TSPAN15: variants seen among roughly 807,000 people sequenced by gnomAD.
TSPAN15 encodes the protein tetraspanin 15, also known as tetraspanin-15.
TSPAN15 carries 20 observed loss-of-function variants against 34.5 expected under a neutral mutation model. The observed-to-expected ratio is 0.58, with a 90% CI of 0.41 to 0.84. TSPAN15 has a LOEUF of 0.84. TSPAN15 is among the 40% of genes least tolerant of loss of function. TSPAN15 has a pLI of 0.00. For synonymous variants in TSPAN15, 155 were observed against 153.9 expected (o/e 1.01, Z -0.05); for missense variants, 313 against 386.1 (o/e 0.81, Z 1.59).
At chr10:69,478,332 T>TGGA (rs1452252833) in intron 1 of TSPAN15, among the ~76,000 whole-genome samples, 1 of 152,184 alleles carries the variant, frequency 6.6e-6, no homozygotes, top group African/African-American at 2.4e-5. Flanking sequence ...TCTCAAGCCT[T>TGGA]GGAGTTTAGC....
the TSPAN15 span, among the ~76,000 whole-genome samples, chr10:69,525,627 C>A: frequency 6.8e-6 from 1 of 146,984 alleles, no homozygotes; most frequent in Non-Finnish European, 1.5e-5. Context: ...TCGAGACCAG[C>A]CTGGCCAACA....
intron 1 of TSPAN15, among the ~76,000 whole-genome samples, chr10:69,482,975 T>A (rs1665580): frequency 7.0e-6 from 1 of 143,796 alleles, no homozygotes; most frequent in African/African-American, 2.5e-5. Context: ...ATTTTTTTTT[T>A]TTGTTGTTGT....
chr10:69,530,820 C>CTCTCTCTCTATATA, the TSPAN15 span, among the ~76,000 whole-genome samples: 4 of 30,778 alleles, frequency 1.3e-4, no homozygotes, highest in Non-Finnish European at 1.8e-4. Context: ...CTCTCTCTCT[C>CTCTCTCTCTATATA]TATATATATA....
At chr10:69,487,431 G>A (rs1841877655) in intron 3 of TSPAN15, among the ~76,000 whole-genome samples, 1 of 151,484 alleles carries the variant, frequency 6.6e-6, no homozygotes, top group African/African-American at 2.4e-5. Context: ...GGCAGATCCA[G>A]GATGCTGGTT....
At chr10:69,547,533 A>G in the TSPAN15 span, among the ~76,000 whole-genome samples, 1 of 152,012 alleles carries the variant, frequency 6.6e-6, no homozygotes, top group African/African-American at 2.4e-5. Flanking sequence ...AAAGTCTTAT[A>G]TTTTTCCCAC....
At chr10:69,540,425 A>T in the TSPAN15 span, among the ~76,000 whole-genome samples, 1 of 152,106 alleles carries the variant, frequency 6.6e-6, no homozygotes, top group Non-Finnish European at 1.5e-5. Context: ...AAAGAGGAGG[A>T]TGGGTATTGG....
chr10:69,494,373 T>C (rs1053990460), intron 3 of TSPAN15, among the ~76,000 whole-genome samples: 4 of 152,188 alleles, frequency 2.6e-5, no homozygotes, highest in Admixed American at 2.6e-4. Flanking sequence ...GTGCCTGGTG[T>C]CCTGCTAAAC....
At chr10:69,461,473 C>T (rs1226624885) in intron 1 of TSPAN15, among the ~76,000 whole-genome samples, 1 of 152,176 alleles carries the variant, frequency 6.6e-6, no homozygotes, top group Non-Finnish European at 1.5e-5. Context: ...CCCCCTACTC[C>T]TGGGGCCACT....
At chr10:69,478,442 A>G (rs571935313) in intron 1 of TSPAN15, among the ~76,000 whole-genome samples, 1 of 152,296 alleles carries the variant, frequency 6.6e-6, no homozygotes, top group Non-Finnish European at 1.5e-5. Flanking sequence ...CGGTTGTGGA[A>G]TGAAGTGGTT....
At chr10:69,467,637 A>AACACACACACACACACAC (rs36028041) in intron 1 of TSPAN15, among the ~76,000 whole-genome samples, 3 of 78,106 alleles carry the variant, frequency 3.8e-5, no homozygotes, top group African/African-American at 1.0e-4. Flanking sequence ...AAAACAAAAC[A>AACACACACACACACACAC]ACACACACAC....
At chr10:69,467,332 C>A (rs1015592919) in intron 1 of TSPAN15, among the ~76,000 whole-genome samples, 3 of 152,206 alleles carry the variant, frequency 2.0e-5, no homozygotes, top group African/African-American at 7.2e-5. Flanking sequence ...CAGGCCAGAA[C>A]AGGCCACCAG....
At position 69,483,842 on chromosome 10, in the gene TSPAN15, C is replaced by T. The variant is rs547357040; in HGVS notation, c.248C>T (p.Ala83Val). The change falls in exon 2 of 8, where the codon GCG (alanine) becomes GTG (valine). Residue 83 changes from alanine (A) to valine (V), a missense_variant. Ala to Val is a moderately conservative substitution (Grantham distance 64). Transcript: ENST00000373290. ...ATGGTCTCCTTCATTGGTGTGCTGG[C>T]GTCCCTCCGTGACAACCTGTACCTT... ...MFMVSFIGVL[A>V]SLRDNLYLLQ... 5.0e-6 allele frequency: 8 copies of T among 1,614,002 alleles called. No homozygotes were observed. The highest frequency in any genetic ancestry group is 4.5e-5 in the East Asian group (2 of 44,840).
At chr10:69,505,633 C>G (rs1842309528) in intron 6 of TSPAN15, among the ~76,000 whole-genome samples, 1 of 151,516 alleles carries the variant, frequency 6.6e-6, no homozygotes, top group South Asian at 2.1e-4. Context: ...GCCTCAAACT[C>G]CTAGGCTTAG....
chr10:69,503,606 C>T (rs1016297742), intron 5 of TSPAN15, among the ~76,000 whole-genome samples: 2 of 152,172 alleles, frequency 1.3e-5, no homozygotes, highest in South Asian at 2.1e-4. Context: ...CCAGAGGGCA[C>T]GCTGGGGGCT....
intron 3 of TSPAN15, among the ~76,000 whole-genome samples, chr10:69,490,361 G>A (rs1841942639): frequency 6.6e-6 from 1 of 152,224 alleles, no homozygotes; most frequent in South Asian, 2.1e-4. Flanking sequence ...ATAAAATGGT[G>A]TAGTACTTGA....
the TSPAN15 span, among the ~76,000 whole-genome samples, chr10:69,529,307 A>G: frequency 6.8e-6 from 1 of 147,980 alleles, no homozygotes; most frequent in Non-Finnish European, 1.5e-5. Flanking sequence ...ATGGAGGTGC[A>G]ACCCCATGGC....
rs1842126163 is a variant in TSPAN15 at position 69,498,179 on chromosome 10, A to C, written c.454-101A>C. The C allele has an allele frequency of 8.8e-6, 9 of 1,021,254 alleles. No homozygotes were observed. In the South Asian group the frequency reaches 1.2e-4, roughly 14 times the overall value. 63.3% of individuals were successfully genotyped at this position (1,021,254 alleles called of 1,614,324 possible). A position where few individuals can be genotyped will look rare whatever the true frequency, so the allele number is the denominator to read the frequency against. On this transcript the variant is annotated intron_variant, in intron 4 of 7. Transcript: ENST00000373290. ...GCCTCTCCCTGCCCCAGGGTGACCC[A>C]CATAATAAACTGCCTCCGTCTCCTG...
chr10:69,490,135 G>T (rs931831779), intron 3 of TSPAN15, among the ~76,000 whole-genome samples: 1 of 152,186 alleles, frequency 6.6e-6, no homozygotes, highest in Non-Finnish European at 1.5e-5. Context: ...AGGGAACAGT[G>T]GGGAGCACCA....
intron 3 of TSPAN15, among the ~76,000 whole-genome samples, chr10:69,493,443 G>A (rs1427879248): frequency 2.0e-5 from 3 of 151,028 alleles, no homozygotes; most frequent in Admixed American, 6.6e-5. Context: ...TTCTGGCCAC[G>A]AAGGCCAGTT....
Sources: allele counts gnomAD v4.1 joint callset (sites outside exome capture counted in the v4.1 genomes callset), GRCh38; gene constraint gnomAD v4.1.1; transcripts MANE v1.5; gene names NCBI Gene and HGNC (gene_info 2026-07-23, HGNC 2026-07-21).